Variants in CDH2 observed in about 807,000 individuals in gnomAD.
The protein encoded by CDH2 is cadherin 2.
CDH2 carries 17 observed loss-of-function variants against 92.0 expected under a neutral mutation model. The observed-to-expected ratio is 0.18, with a 90% CI of 0.13 to 0.28. The LOEUF is 0.28. Ranked by LOEUF, CDH2 falls within the 10% of genes least tolerant of loss-of-function variation. The probability of loss-of-function intolerance (pLI) is 1.00; values close to 1 mark genes in which losing one functional copy is unlikely to be tolerated. For missense variants in CDH2, 862 were observed against 1,133.1 expected, an observed-to-expected ratio of 0.76 and a Z score of 3.44; for synonymous variants, 419 against 415.9, an observed-to-expected ratio of 1.01 and a Z score of -0.09.
chr18:28,161,037 C>T (rs1270170953), intron 1 of CDH2, among the ~76,000 whole-genome samples: 2 of 152,114 alleles, frequency 1.3e-5, no homozygotes, highest in East Asian at 3.9e-4. Context: ...TTGTTTAGTT[C>T]AAAGCTTGCA....
chr18:27,953,269 CTA>C (rs1446809650), intron 15 of CDH2, among the ~76,000 whole-genome samples: 3 of 152,040 alleles, frequency 2.0e-5, no homozygotes, highest in Non-Finnish European at 2.9e-5. Flanking sequence ...TAACTACTAT[CTA>C]TATTTGTAAC....
intron 6 of CDH2, among the ~76,000 whole-genome samples, chr18:27,940,752 AAGAC>A (rs1469404438): frequency 2.0e-5 from 3 of 152,228 alleles, no homozygotes; most frequent in African/African-American, 7.2e-5. Flanking sequence ...AAAACAGTAA[AAGAC>A]AGTATCCTTC....
intron 2 of CDH2, among the ~76,000 whole-genome samples, chr18:28,064,976 G>A (rs1330683301): frequency 2.6e-5 from 4 of 151,958 alleles, no homozygotes; most frequent in Non-Finnish European, 5.9e-5. Flanking sequence ...TCCTTTCCAA[G>A]GACCATAAAT....
At chr18:28,147,114 C>T (rs1366728057) in intron 2 of CDH2, among the ~76,000 whole-genome samples, 1 of 151,944 alleles carries the variant, frequency 6.6e-6, no homozygotes, top group Non-Finnish European at 1.5e-5. Context: ...ATTTAAAATT[C>T]ACATATGCTA....
At chr18:28,043,890 A>ATTTTTTTTTTTTTTTTTTTTTTT (rs67532914) in intron 2 of CDH2, among the ~76,000 whole-genome samples, 4 of 91,470 alleles carry the variant, frequency 4.4e-5, no homozygotes, top group Non-Finnish European at 6.5e-5. Context: ...AGAATCTCGG[A>ATTTTTTTTTTTTTTTTTTTTTTT]TTTTTTTTTT....
downstream of CDH2, among the ~76,000 whole-genome samples, chr18:27,947,734 A>G (rs1267286960): frequency 2.0e-5 from 3 of 150,928 alleles, no homozygotes; most frequent in South Asian, 6.3e-4. Context: ...TGATGTAAGC[A>G]TATGTGATAT....
chr18:28,017,340 G>A (rs1313576859), intron 2 of CDH2, among the ~76,000 whole-genome samples: 2 of 152,060 alleles, frequency 1.3e-5, no homozygotes, highest in African/African-American at 4.8e-5. Flanking sequence ...TTTAATCTAG[G>A]AGGGTTGTAT....
intron 6 of CDH2, among the ~76,000 whole-genome samples, chr18:27,937,551 C>T (rs1036520647): frequency 1.3e-5 from 2 of 152,128 alleles, no homozygotes; most frequent in African/African-American, 4.8e-5. Flanking sequence ...TTTAGGGTCT[C>T]AGGTACCATT....
chr18:27,967,482 T>A (rs1161646465), intron 14 of CDH2, among the ~76,000 whole-genome samples: 1 of 152,200 alleles, frequency 6.6e-6, no homozygotes, highest in Non-Finnish European at 1.5e-5. Context: ...TTCATGGCCT[T>A]ACTCCTGAAG....
downstream of CDH2, among the ~76,000 whole-genome samples, chr18:27,949,304 C>T (rs1206073241): frequency 1.3e-5 from 2 of 151,904 alleles, no homozygotes; most frequent in Non-Finnish European, 2.9e-5. Flanking sequence ...ATTATTTCAG[C>T]CATATTTAAC....
intron 1 of CDH2, among the ~76,000 whole-genome samples, chr18:28,157,658 T>C (rs2016240819): frequency 6.6e-6 from 1 of 152,166 alleles, no homozygotes; most frequent in Non-Finnish European, 1.5e-5. Flanking sequence ...CTGTCCTATA[T>C]GAATTGAGAC....
intron 2 of CDH2, among the ~76,000 whole-genome samples, chr18:28,086,325 T>C (rs1271290669): frequency 1.3e-5 from 2 of 152,226 alleles, no homozygotes; most frequent in Non-Finnish European, 2.9e-5. Context: ...GTTATTGTTA[T>C]GCTTAAACAT....
At chr18:28,112,920 A>C (rs917153704) in intron 2 of CDH2, among the ~76,000 whole-genome samples, 20 of 152,206 alleles carry the variant, frequency 1.3e-4, no homozygotes, top group Admixed American at 1.3e-3. Context: ...AAAAGGAATC[A>C]AAGAGGCCAA....
intron 1 of CDH2, among the ~76,000 whole-genome samples, chr18:28,176,081 A>C (rs951018988): frequency 6.6e-6 from 1 of 152,168 alleles, no homozygotes; most frequent in Non-Finnish European, 1.5e-5. Flanking sequence ...CTGCGCCCGG[A>C]CTGGAGCAGG....
At chr18:28,043,835 T>TG (rs2014011315) in intron 2 of CDH2, among the ~76,000 whole-genome samples, 1 of 147,560 alleles carries the variant, frequency 6.8e-6, no homozygotes, top group Non-Finnish European at 1.5e-5. Context: ...TAGCTGTGAG[T>TG]GGCCATCCTC....
intron 11 of CDH2, among the ~76,000 whole-genome samples, chr18:27,987,061 TTC>T (rs2012257635): frequency 6.6e-6 from 1 of 152,184 alleles, no homozygotes; most frequent in African/African-American, 2.4e-5. Context: ...AACAGGTCAC[TTC>T]TCTCTCTTAT....
At chr18:28,074,542 G>A (rs543507658) in intron 2 of CDH2, among the ~76,000 whole-genome samples, 11 of 152,060 alleles carry the variant, frequency 7.2e-5, no homozygotes, top group Admixed American at 2.0e-4. Context: ...CACCACGCCC[G>A]GACGGGTCTT....
chr18:28,026,775 A>C (rs1025101098), intron 2 of CDH2, among the ~76,000 whole-genome samples: 2 of 152,310 alleles, frequency 1.3e-5, no homozygotes, highest in Middle Eastern at 3.4e-3. Flanking sequence ...TAGCTCAGAC[A>C]CATGGATCTA....
intron 2 of CDH2, among the ~76,000 whole-genome samples, chr18:28,081,325 G>A (rs1187663110): frequency 6.6e-6 from 1 of 152,104 alleles, no homozygotes; most frequent in Non-Finnish European, 1.5e-5. Context: ...CATATACACT[G>A]AAGCACTTCC....
Sources: gnomAD v4.1 joint callset for allele counts (sites outside exome capture counted in the v4.1 genomes callset) on GRCh38, gnomAD v4.1.1 for gene constraint, MANE v1.5 for transcripts, NCBI Gene and HGNC (gene_info 2026-07-23, HGNC 2026-07-21) for gene names.